The following GRID1 variants were observed in gnomAD, a reference collection of about 807,000 sequenced individuals.
GRID1 encodes the protein glutamate receptor ionotropic, delta-1.
Under a neutral mutation model 98.0 loss-of-function variants are expected in GRID1, and 28 were observed. That is an observed-to-expected ratio of 0.29 (90% CI 0.21 to 0.39). GRID1 has a LOEUF of 0.39. Among genes scored for constraint, GRID1 ranks in the 10% least tolerant of loss-of-function variants. The pLI is 1.00. For synonymous variants in GRID1, 553 were observed against 538.5 expected (o/e 1.03, Z -0.37); for missense variants, 1,111 against 1,340.5 (o/e 0.83, Z 2.67).
intron 2 of GRID1, among the ~76,000 whole-genome samples, chr10:86,256,725 G>A (rs1026835933): frequency 5.7e-4 from 87 of 152,206 alleles, no homozygotes; most frequent in Admixed American, 2.9e-3. Context: ...CTGACCTGGT[G>A]AGCTGCCTAT....
intron 8 of GRID1, among the ~76,000 whole-genome samples, chr10:85,829,890 C>A (rs1416806172): frequency 6.6e-6 from 1 of 151,556 alleles, no homozygotes; most frequent in Non-Finnish European, 1.5e-5. Context: ...TGCTACTGTG[C>A]AATTTACAGA....
At chr10:86,239,333 AACTGGTTT>A (rs1846590250) in intron 2 of GRID1, among the ~76,000 whole-genome samples, 1 of 152,184 alleles carries the variant, frequency 6.6e-6, no homozygotes, top group Non-Finnish European at 1.5e-5. Context: ...GGAAGTCACT[AACTGGTTT>A]TGAGCTTGCA....
rs1176752644 is a variant in GRID1, at chr10:85,967,310, G to GTA, written c.727-51073_727-51072dup. On this transcript the variant is annotated intron_variant, in intron 4 of 15. Transcript: ENST00000327946. The stretch of plus-strand genomic sequence containing the variant: ...CTAGTCCATCAAAGTTACTAAACAA[G>GTA]TATATAGCAACAGCAACACCACCAA... 2.6e-5 allele frequency among the ~76,000 whole-genome samples: 4 copies of GTA among 151,880 alleles called. No individual in the cohort carries two copies. In the East Asian group the frequency reaches 5.8e-4, roughly 22 times the overall value.
At chr10:86,278,822 C>T (rs138049270) in intron 2 of GRID1, among the ~76,000 whole-genome samples, 2 of 152,196 alleles carry the variant, frequency 1.3e-5, no homozygotes, top group Non-Finnish European at 2.9e-5. Flanking sequence ...GATGGCCTCA[C>T]TGATGAATTC....
At chr10:85,873,037 G>A (rs1843293691) in intron 5 of GRID1, among the ~76,000 whole-genome samples, 1 of 152,200 alleles carries the variant, frequency 6.6e-6, no homozygotes, top group South Asian at 2.1e-4. Flanking sequence ...GTCAGTTCTA[G>A]AAGTTTCATG....
intron 4 of GRID1, among the ~76,000 whole-genome samples, chr10:85,968,277 C>G (rs1025593485): frequency 6.6e-5 from 10 of 151,784 alleles, no homozygotes; most frequent in Non-Finnish European, 1.5e-4. Context: ...GGTGAAACCC[C>G]CGTCTCTACT....
intron 3 of GRID1, among the ~76,000 whole-genome samples, chr10:86,156,255 C>T (rs1306892938): frequency 6.6e-6 from 1 of 152,212 alleles, no homozygotes; most frequent in Non-Finnish European, 1.5e-5. Flanking sequence ...GGGGGAATGA[C>T]TCCTTATCCT....
intron 8 of GRID1, among the ~76,000 whole-genome samples, chr10:85,756,761 A>G (rs7900375): frequency 0.013 from 1,907 of 152,328 alleles, 39 homozygotes; most frequent in African/African-American, 0.044. Context: ...ATAAGGGAAT[A>G]CTACTGTATA....
At position 86,297,726 on chromosome 10, in the gene GRID1, A is replaced by G. The variant is rs542968460; in HGVS notation, c.235+66215T>C. 8.5e-5 allele frequency among the ~76,000 whole-genome samples: 13 copies of G among 152,360 alleles called. 1 individual carries two copies. In the South Asian group the frequency reaches 2.7e-3, roughly 32 times the overall value. On this transcript the variant is annotated intron_variant, in intron 2 of 15. Coordinates refer to ENST00000327946, the MANE Select transcript of GRID1 (RefSeq NM_017551.3). ...GTCAGGCAGCGTTGATAACTATAATATAAGGAGTTCACACAAACCGTTATA... is the reference window on the plus strand; with the variant it reads ...GTCAGGCAGCGTTGATAACTATAATGTAAGGAGTTCACACAAACCGTTATA...
chr10:85,863,356 C>T (rs1479561886), intron 6 of GRID1, among the ~76,000 whole-genome samples: 2 of 152,196 alleles, frequency 1.3e-5, no homozygotes, highest in African/African-American at 4.8e-5. Context: ...CTCCCCCCCT[C>T]ATCACCTCCC....
At chr10:86,117,402 CCAA>C (rs1052733175) in intron 4 of GRID1, among the ~76,000 whole-genome samples, 6 of 151,932 alleles carry the variant, frequency 3.9e-5, no homozygotes, top group Admixed American at 1.3e-4. Flanking sequence ...AACATCACCA[CCAA>C]CACCATCACT....
intron 3 of GRID1, among the ~76,000 whole-genome samples, chr10:86,184,461 CTTTTTTT>C (rs1198471392): frequency 1.6e-5 from 2 of 123,042 alleles, no homozygotes; most frequent in African/African-American, 6.1e-5. Flanking sequence ...TTTCTTTTTT[CTTTTTTT>C]TTTTTTTTTT....
intron 6 of GRID1, among the ~76,000 whole-genome samples, chr10:85,866,972 T>C (rs1843227205): frequency 1.3e-5 from 2 of 152,144 alleles, no homozygotes; most frequent in South Asian, 2.1e-4. Flanking sequence ...TGCATTTACC[T>C]CATTTGATGA....
intron 4 of GRID1, among the ~76,000 whole-genome samples, chr10:85,973,213 A>C (rs1335470164): frequency 6.6e-6 from 1 of 152,202 alleles, no homozygotes; most frequent in East Asian, 1.9e-4. Context: ...TTTGTAACAA[A>C]TAATTTTCCC....
intron 12 of GRID1, among the ~76,000 whole-genome samples, chr10:85,694,829 G>A (rs192938328): frequency 2.0e-3 from 298 of 151,418 alleles, no homozygotes; most frequent in African/African-American, 7.0e-3. Flanking sequence ...GTGGGAGGGA[G>A]GTGACAATGA....
intron 5 of GRID1, among the ~76,000 whole-genome samples, chr10:85,903,916 C>T (rs1716396934): frequency 6.6e-6 from 1 of 152,202 alleles, no homozygotes; most frequent in South Asian, 2.1e-4. Flanking sequence ...ATAGATTTCT[C>T]ATGGGCACCC....
At chr10:85,665,371 G>A (rs1841007849) in intron 12 of GRID1, among the ~76,000 whole-genome samples, 1 of 152,134 alleles carries the variant, frequency 6.6e-6, no homozygotes, top group Non-Finnish European at 1.5e-5. Flanking sequence ...GATCCTAAAG[G>A]GTTAACATGA....
chr10:86,075,376 C>T (rs556314626), intron 4 of GRID1, among the ~76,000 whole-genome samples: 41 of 148,554 alleles, frequency 2.8e-4, no homozygotes, highest in African/African-American at 9.7e-4. Context: ...GAAGAAGAAG[C>T]CAGAGATCAG....
intron 2 of GRID1, among the ~76,000 whole-genome samples, chr10:86,213,371 C>T (rs1201879439): frequency 6.6e-6 from 1 of 152,120 alleles, no homozygotes; most frequent in African/African-American, 2.4e-5. Context: ...CCACCTCCCT[C>T]CCCGTTCTTC....
Sources: gnomAD v4.1 joint callset for allele counts (sites outside exome capture counted in the v4.1 genomes callset) on GRCh38, gnomAD v4.1.1 for gene constraint, MANE v1.5 for transcripts, NCBI Gene and HGNC (gene_info 2026-07-23, HGNC 2026-07-21) for gene names.